The following NCKAP5 variants were observed in gnomAD, a reference collection of about 807,000 sequenced individuals.
NCKAP5 encodes nck-associated protein 5.
NCKAP5 carries 92 observed loss-of-function variants against 167.0 expected under a neutral mutation model. The observed-to-expected ratio is 0.55, with a 90% CI of 0.47 to 0.66. The LOEUF (loss-of-function observed/expected upper bound fraction) is 0.66, where lower values mean the gene tolerates loss of function less well. Among genes scored for constraint, NCKAP5 ranks in the 30% least tolerant of loss-of-function variants. NCKAP5 has a pLI of 0.00. For missense variants in NCKAP5, 2,378 were observed against 2,315.0 expected, an observed-to-expected ratio of 1.03 and a Z score of -0.56; for synonymous variants, 891 against 877.4, an observed-to-expected ratio of 1.02 and a Z score of -0.27.
chr2:133,398,631 T>C (rs974921149), intron 3 of NCKAP5, among the ~76,000 whole-genome samples: 1 of 152,204 alleles, frequency 6.6e-6, no homozygotes, highest in Non-Finnish European at 1.5e-5. Context: ...AACAAATGCA[T>C]ATTCTGGTTG....
chr2:133,206,164 T>C (rs1313570616), intron 5 of NCKAP5, among the ~76,000 whole-genome samples: 1 of 152,208 alleles, frequency 6.6e-6, no homozygotes, highest in African/African-American at 2.4e-5. Flanking sequence ...AAGTACAATG[T>C]TTACTAAAGA....
chr2:132,959,207 TTAAC>T (rs1166541152), intron 8 of NCKAP5, among the ~76,000 whole-genome samples: 1 of 151,910 alleles, frequency 6.6e-6, no homozygotes, highest in Non-Finnish European at 1.5e-5. Context: ...GAATTAATGA[TTAAC>T]AAAATGCTTA....
At chr2:132,959,098 T>TA (rs2076431918) in intron 8 of NCKAP5, among the ~76,000 whole-genome samples, 1 of 147,336 alleles carries the variant, frequency 6.8e-6, no homozygotes, top group African/African-American at 2.5e-5. Context: ...ATATTATTAA[T>TA]ATATTTAATA....
rs1683856481 is a variant in NCKAP5 at position 132,672,399 on chromosome 2, A to G, written c.*890T>C. ...GTGTCCACACTTCAGGACCCTTTTC[A>G]TTTTTCAGCAGAAGCAGAATGACAC... On this transcript the variant is annotated 3_prime_UTR_variant, in exon 20 of 20. Transcript: ENST00000409261. 6.6e-6 allele frequency: 1 copy of G among 152,212 alleles called. No individual in the cohort carries two copies. The highest frequency in any genetic ancestry group is 2.1e-4 in the South Asian group (1 of 4,830). The allele number at this position is 152,212 out of a possible 1,614,324, so 9.4% of individuals were successfully genotyped here.
In NCKAP5 at chr2:132,783,050, G is replaced by A. The variant is rs200887045; in HGVS notation, c.3761C>T (p.Ser1254Phe). ...DGVDNRSMRR[S>F]LSSSKPHLKP... Reference sequence around the variant, plus strand: ...TAGGTGTGGTTTGCTGGAGGAAAGGGATCTTCTCATGGATCTATTATCTAC... The same window carrying A: ...TAGGTGTGGTTTGCTGGAGGAAAGGAATCTTCTCATGGATCTATTATCTAC... The change falls in exon 14 of 20, where the codon TCC becomes TTC. Residue 1254 changes from serine to phenylalanine, a missense_variant. By Grantham distance (155) the Ser-to-Phe change is radical. Coordinates refer to ENST00000409261, the MANE Select transcript of NCKAP5 (RefSeq NM_207363.3). The A allele has an allele frequency of 7.2e-5, 117 of 1,613,804 alleles. No individual in the cohort carries two copies. The highest frequency in any genetic ancestry group is 6.7e-4 in the Admixed American group (40 of 59,996).
intron 11 of NCKAP5, among the ~76,000 whole-genome samples, chr2:132,854,570 T>A (rs1689316854): frequency 6.6e-6 from 1 of 152,232 alleles, no homozygotes; most frequent in East Asian, 1.9e-4. Context: ...TGGAGTCACA[T>A]GGAGGCATGG....
intron 19 of NCKAP5, among the ~76,000 whole-genome samples, chr2:132,682,159 G>A (rs1357818978): frequency 4.6e-5 from 7 of 152,084 alleles, no homozygotes; most frequent in African/African-American, 9.7e-5. Flanking sequence ...TTCTTTCAAC[G>A]ATCAATTCTG....
chr2:133,330,053 CTTTTTTTTTTTTTT>C lies in NCKAP5; in HGVS notation c.70-26957_70-26944del, dbSNP rs1165568563. On this transcript the variant is annotated intron_variant, in intron 3 of 19. Coordinates refer to ENST00000409261, the MANE Select transcript of NCKAP5 (RefSeq NM_207363.3). ...GGGAATGTGGCCAAGAAAGCAAGAC[CTTTTTTTTTTTTTT>C]TTTTTTTTTTTTTTTCTGAGACAGG... Among the ~76,000 whole-genome samples the C allele has an allele frequency of 2.6e-4, 22 of 85,704 alleles. 3 individuals carry two copies. The South Asian group carries it at 8.2e-3, about 32-fold the overall frequency. The allele number at this position is 85,704 out of a possible 152,430, so 56.2% of individuals were successfully genotyped here.
At chr2:133,156,293 G>A (rs1399839077) in intron 5 of NCKAP5, among the ~76,000 whole-genome samples, 4 of 152,078 alleles carry the variant, frequency 2.6e-5, no homozygotes, top group African/African-American at 2.4e-5. Flanking sequence ...GAACCCAGAC[G>A]CATAAGCTCA....
intron 6 of NCKAP5, among the ~76,000 whole-genome samples, chr2:133,084,850 T>C (rs928748875): frequency 6.6e-6 from 1 of 152,142 alleles, no homozygotes; most frequent in Non-Finnish European, 1.5e-5. Flanking sequence ...GTTTTTCATA[T>C]AGAGAGACTT....
intron 7 of NCKAP5, among the ~76,000 whole-genome samples, chr2:132,989,949 G>C (rs1275982028): frequency 6.6e-6 from 1 of 151,994 alleles, no homozygotes; most frequent in South Asian, 2.1e-4. Context: ...CGTTGTGTAA[G>C]TGCTTTGCAA....
intron 19 of NCKAP5, among the ~76,000 whole-genome samples, chr2:132,676,762 A>T (rs538740810): frequency 1.9e-4 from 29 of 152,268 alleles, no homozygotes; most frequent in Non-Finnish European, 3.2e-4. Flanking sequence ...TTCTGTACAG[A>T]CACTCTGCTA....
chr2:133,572,531 G>A (rs959489373), upstream of NCKAP5, among the ~76,000 whole-genome samples: 5 of 152,218 alleles, frequency 3.3e-5, no homozygotes, highest in Non-Finnish European at 1.5e-5. Context: ...TTCAATTGCA[G>A]GATGGAGAAA....
chr2:133,107,044 A>T (rs2081730126), intron 6 of NCKAP5, among the ~76,000 whole-genome samples: 1 of 152,194 alleles, frequency 6.6e-6, no homozygotes. Flanking sequence ...TGCCTCTAAA[A>T]TAGTGTAGAG....
At position 133,467,243 on chromosome 2, in the gene NCKAP5, C is replaced by G. The variant is rs545464599; in HGVS notation, c.69+50215G>C. On this transcript the variant is annotated intron_variant, in intron 3 of 19. Coordinates refer to ENST00000409261, the MANE Select transcript of NCKAP5 (RefSeq NM_207363.3). Reference sequence around the variant, plus strand: ...AAGGGTTGTTGAATTTTGTCAAAGGCTTTTTCTGCATCTATTGAGATAATC... The same window carrying G: ...AAGGGTTGTTGAATTTTGTCAAAGGGTTTTTCTGCATCTATTGAGATAATC... Among the ~76,000 whole-genome samples, 327 of 150,158 alleles carry G rather than the reference C, an allele frequency of 2.2e-3. 2 individuals carry two copies. The highest frequency in any genetic ancestry group is 6.9e-3 in the Middle Eastern group (2 of 290).
At chr2:133,352,557 G>A (rs1308036185) in intron 3 of NCKAP5, among the ~76,000 whole-genome samples, 2 of 152,294 alleles carry the variant, frequency 1.3e-5, no homozygotes, top group East Asian at 3.9e-4. Context: ...AATTAGCTGG[G>A]GTGGGCTATC....
At chr2:133,423,047 T>C (rs1689584604) in intron 3 of NCKAP5, among the ~76,000 whole-genome samples, 1 of 152,174 alleles carries the variant, frequency 6.6e-6, no homozygotes, top group Non-Finnish European at 1.5e-5. Context: ...ATTTGGGACA[T>C]GTTCCAAGCT....
chr2:132,904,055 G>A (rs536937899), intron 8 of NCKAP5, among the ~76,000 whole-genome samples: 423 of 152,232 alleles, frequency 2.8e-3, no homozygotes, highest in African/African-American at 9.4e-3. Context: ...TTGGGAGGCT[G>A]AGGCAGGCGG....
At chr2:133,643,716 G>A in the NCKAP5 span, among the ~76,000 whole-genome samples, 1 of 152,036 alleles carries the variant, frequency 6.6e-6, no homozygotes, top group African/African-American at 2.4e-5. Flanking sequence ...GCCTTCATGT[G>A]GTACCCAAAA....
Sources: allele counts gnomAD v4.1 joint callset (sites outside exome capture counted in the v4.1 genomes callset), GRCh38; gene constraint gnomAD v4.1.1; transcripts MANE v1.5; gene names NCBI Gene and HGNC (gene_info 2026-07-23, HGNC 2026-07-21).